The following DOCK7 variants were observed in gnomAD, a reference collection of about 807,000 sequenced individuals.
DOCK7 encodes the protein dedicator of cytokinesis protein 7.
In DOCK7, 138 loss-of-function variants were observed where a neutral mutation model predicts 271.0. The ratio of observed to expected loss-of-function variants is 0.51; its 90% CI spans 0.44 to 0.59. The LOEUF is 0.59. Among genes scored for constraint, DOCK7 ranks in the 20% least tolerant of loss-of-function variants. The pLI is 0.00. For missense variants in DOCK7, 2,066 were observed against 2,592.4 expected (o/e 0.80, Z 4.41); for synonymous variants, 823 against 876.1 (o/e 0.94, Z 1.07).
At chr1:62,669,682 A>G (rs535392500) in intron 1 of DOCK7, among the ~76,000 whole-genome samples, 1 of 152,254 alleles carries the variant, frequency 6.6e-6, no homozygotes, top group Non-Finnish European at 1.5e-5. Context: ...GAATGAAGCA[A>G]TTAAAAGTCA....
chr1:62,545,020 G>T lies in DOCK7; in HGVS notation c.2786C>A (p.Ser929Tyr). The change falls in exon 23 of 50, where the codon TCC becomes TAC. Residue 929 changes from serine (S) to tyrosine (Y), a missense_variant. Around this residue, in one of 2 missense-constraint regions of DOCK7, gnomAD observed 1,414 missense variants for 1,670.4 expected, o/e 0.85. Transcript: ENST00000635253. ...TTTTGGACCACCAGTGTTAACCCAG[G>T]AATTGGAGCGATCTAAACCCTAAGC... ...IGSKGLDRSN[S>Y]WVNTGGPKAA... The T allele has an allele frequency of 6.5e-7, 1 of 1,549,668 alleles. No individual in the cohort carries two copies. Among genetic ancestry groups the T allele is most frequent in the Non-Finnish European group, 8.7e-7 (1 of 1,146,406 alleles).
chr1:62,517,946 C>T (rs1357652893), intron 31 of DOCK7, among the ~76,000 whole-genome samples: 4 of 152,166 alleles, frequency 2.6e-5, no homozygotes, highest in African/African-American at 4.8e-5. Context: ...ACAACCCAAA[C>T]TTCCTTTGAG....
At position 62,485,782 on chromosome 1, in the gene DOCK7, C is replaced by G. The variant is rs78930259; in HGVS notation, c.5508+1616G>C. ...AATAAGCAGCAAATGGTAGAAAACA[C>G]ATTTTTTAAATGCAGGCATCCATTT... is the stretch of plus-strand genomic sequence containing the variant. On this transcript the variant is annotated intron_variant, in intron 43 of 49. Transcript: ENST00000635253. The G allele has an allele frequency of 2.2e-5, 19 of 848,156 alleles. No homozygotes were observed. In the East Asian group the frequency reaches 2.4e-3, roughly 105 times the overall value. 52.5% of individuals were successfully genotyped at this position (848,156 alleles called of 1,614,324 possible).
intron 1 of DOCK7, among the ~76,000 whole-genome samples, chr1:62,668,179 A>C (rs890932430): frequency 6.6e-6 from 1 of 152,238 alleles, no homozygotes; most frequent in African/African-American, 2.4e-5. Flanking sequence ...GGAAATACAG[A>C]GAACAGTATA....
intron 1 of DOCK7, among the ~76,000 whole-genome samples, chr1:62,675,234 G>C (rs529112810): frequency 2.6e-5 from 4 of 152,114 alleles, no homozygotes; most frequent in Non-Finnish European, 2.9e-5. Flanking sequence ...GGGCAACATA[G>C]AGTCTGTCTC....
At position 62,519,545 on chromosome 1, in the gene DOCK7, T is replaced by G. The variant is rs141966787; in HGVS notation, c.3937-5647A>C. Among the ~76,000 whole-genome samples the G allele has an allele frequency of 2.3e-3, 353 of 152,074 alleles. 2 individuals are homozygous for G. The highest frequency in any genetic ancestry group is 7.7e-3 in the African/African-American group (321 of 41,478). On this transcript the variant is annotated intron_variant, in intron 31 of 49. Coordinates refer to ENST00000635253, the MANE Select transcript of DOCK7 (RefSeq NM_001367561.1). ...GAAGAAATCATAATGAACTTCAGAG[T>G]CATTCTGAGATGAATCTTGAAAATG...
intron 31 of DOCK7, among the ~76,000 whole-genome samples, chr1:62,514,319 T>C (rs577381032): frequency 1.1e-4 from 16 of 152,248 alleles, no homozygotes; most frequent in Admixed American, 3.9e-4. Context: ...GACAAAATCA[T>C]GTATGTCAGA....
In DOCK7 at chr1:62,634,842, AAT is replaced by A. The variant is rs756933112; in HGVS notation, c.964_965del (p.Ile322TyrfsTer52). The A allele has an allele frequency of 6.2e-7, 1 of 1,613,228 alleles. No homozygotes were observed. The highest frequency in any genetic ancestry group is 1.7e-5 in the Admixed American group (1 of 60,010). On this transcript the variant is annotated frameshift_variant, in exon 9 of 50. Coordinates refer to ENST00000635253, the MANE Select transcript of DOCK7 (RefSeq NM_001367561.1). LOFTEE classifies it high-confidence loss of function. ...AAATTGCTGATCTTGCCAGGGTAGT[AAT>A]GGCAGCAGGTGGTACATGTGGACGT... ...LLRPHVPPAA[I>X]TTLARSAIFS...
At chr1:62,550,258 G>T (rs1395231871) in intron 22 of DOCK7, among the ~76,000 whole-genome samples, 2 of 152,000 alleles carry the variant, frequency 1.3e-5, no homozygotes, top group Non-Finnish European at 2.9e-5. Context: ...GAGCTTGAGT[G>T]AAAGAAATTA....
In DOCK7 at chr1:62,586,521, T is replaced by C. The variant is rs1391770459; in HGVS notation, c.1786A>G (p.Ser596Gly). ...ACATTTCTTACCGGCATGGCATTGC[T>C]TGGATCCTCTCCATACATAAACTGG... Reference protein sequence around the residue: ...KVQFMYGEDPSNAMPVIFGKS... With the variant: ...KVQFMYGEDPGNAMPVIFGKS... Residue 596 changes from serine to glycine, a missense_variant, in exon 15 of 50, where the codon AGC becomes GGC. Ser to Gly is a moderately conservative substitution (Grantham distance 56). This residue lies in a region of DOCK7 where 1,414 missense variants were observed against 1,670.4 expected (regional missense o/e 0.85). Transcript: ENST00000635253. 6.2e-7 allele frequency: 1 copy of C among 1,607,984 alleles called. No homozygotes were observed. The highest frequency in any genetic ancestry group is 2.2e-5 in the East Asian group (1 of 44,748).
intron 33 of DOCK7, among the ~76,000 whole-genome samples, chr1:62,512,696 C>T (rs1644522930): frequency 6.6e-6 from 1 of 150,490 alleles, no homozygotes. Context: ...TCAGGAATTT[C>T]AAGACTAGCC....
intron 1 of DOCK7, among the ~76,000 whole-genome samples, chr1:62,664,626 T>C (rs183026864): frequency 5.0e-4 from 76 of 152,286 alleles, no homozygotes; most frequent in African/African-American, 1.8e-3. Flanking sequence ...TGTACATCAA[T>C]ATTGGCTCAT....
Position 62,552,884 on chromosome 1 carries a change from C to T in DOCK7, c.2614G>A (p.Gly872Arg). The change falls in exon 22 of 50, where the codon GGA becomes AGA. Residue 872 changes from glycine to arginine, a missense_variant. Transcript: ENST00000635253. The stretch of plus-strand genomic sequence containing the variant: ...GCCATTGTGGCATAATGCACTGATC[C>T]TCCCAAACCCCCAGGACCTAGAGTT... The part of the protein sequence containing the change: ...SSSPGPGGLG[G>R]SVHYATMARS... The T allele has an allele frequency of 6.2e-7, 1 of 1,608,548 alleles. No homozygotes were observed. Among genetic ancestry groups the T allele is most frequent in the Non-Finnish European group, 8.5e-7 (1 of 1,177,140 alleles).
chr1:62,569,174 G>A (rs71519018), intron 18 of DOCK7, among the ~76,000 whole-genome samples: 1 of 152,102 alleles, frequency 6.6e-6, no homozygotes, highest in Non-Finnish European at 1.5e-5. Context: ...AAGAGAGCTG[G>A]TACCATTTCC....
intron 7 of DOCK7, among the ~76,000 whole-genome samples, chr1:62,646,223 A>C (rs568101457): frequency 2.0e-5 from 3 of 152,226 alleles, no homozygotes; most frequent in Non-Finnish European, 4.4e-5. Context: ...TGAAAACATT[A>C]TGCTGTATGA....
intron 12 of DOCK7, among the ~76,000 whole-genome samples, chr1:62,624,945 T>C (rs1382074283): frequency 1.3e-5 from 2 of 151,010 alleles, no homozygotes; most frequent in African/African-American, 4.9e-5. Flanking sequence ...CACTCCAGCC[T>C]GGGCAACAGA....
chr1:62,541,265 C>A (rs1181348243), intron 25 of DOCK7, among the ~76,000 whole-genome samples: 1 of 152,132 alleles, frequency 6.6e-6, no homozygotes, highest in African/African-American at 2.4e-5. Flanking sequence ...CTTCTCTGTG[C>A]CTTAGTAATA....
Position 62,604,652 on chromosome 1 carries a change from T to G in DOCK7, c.1682+14054A>C, listed in dbSNP as rs763799677. On this transcript the variant is annotated intron_variant, in intron 14 of 49. Coordinates refer to ENST00000635253, the MANE Select transcript of DOCK7 (RefSeq NM_001367561.1). ...CTTTAGGAGGCTGGTGGTGGCATGATGAGTGTGGAGAAAACAACCTAAATG... is the reference window on the plus strand; with the variant it reads ...CTTTAGGAGGCTGGTGGTGGCATGAGGAGTGTGGAGAAAACAACCTAAATG... The G allele has an allele frequency of 9.3e-6, 15 of 1,613,030 alleles. No homozygotes were observed. The highest frequency in any genetic ancestry group is 1.3e-5 in the Non-Finnish European group (15 of 1,179,342).
intron 1 of DOCK7, among the ~76,000 whole-genome samples, chr1:62,685,406 T>C (rs757622882): frequency 1.1e-4 from 16 of 152,244 alleles, no homozygotes; most frequent in Middle Eastern, 3.2e-3. Context: ...TTCAATCATA[T>C]TTGATAACAA....
Sources: allele counts gnomAD v4.1 joint callset (sites outside exome capture counted in the v4.1 genomes callset), GRCh38; gene constraint gnomAD v4.1.1; regional missense constraint gnomAD v4.1.1; transcripts MANE v1.5; gene names NCBI Gene and HGNC (gene_info 2026-07-23, HGNC 2026-07-21).